PARP10: variants seen among roughly 807,000 people sequenced by gnomAD.
PARP10 encodes the protein protein mono-ADP-ribosyltransferase PARP10.
In PARP10, 56 loss-of-function variants were observed where a neutral mutation model predicts 82.4. The ratio of observed to expected loss-of-function variants is 0.68; its 90% CI spans 0.55 to 0.85. The LOEUF is 0.85. PARP10 is among the 40% of genes least tolerant of loss of function. The pLI, the probability that PARP10 is intolerant of heterozygous loss-of-function variation, is 0.00. For synonymous variants in PARP10, 576 were observed against 601.1 expected (o/e 0.96, Z 0.61); for missense variants, 1,227 against 1,379.4 (o/e 0.89, Z 1.75).
At chr8:144,004,279 CATGGTGTCCCCCTTAAGTCTTA>C (rs1190345870) in intron 1 of PARP10, among the ~76,000 whole-genome samples, 1 of 152,124 alleles carries the variant, frequency 6.6e-6, no homozygotes, top group Admixed American at 6.5e-5. Flanking sequence ...AAGAAATCTG[CATGGTGTCCCCCTTAAGTCTTA>C]AGAGACAGAA....
At chr8:143,989,031 T>A (rs1834046368), upstream of PARP10, 1 of 152,192 alleles carries the variant, frequency 6.6e-6, no homozygotes, top group Admixed American at 6.5e-5. The surrounding 1 kb of genome is among the most constrained non-coding windows in gnomAD (Gnocchi z 4.3). Context: ...CCAGCCCCGG[T>A]GGAGTATTCA....
In PARP10 at chr8:143,986,435, C is replaced by G. The variant is rs541366127; in HGVS notation, c.-76G>C. On this transcript the variant is annotated 5_prime_UTR_variant, in exon 1 of 11. Transcript: ENST00000313028. Reference sequence around the variant, plus strand: ...GTGCCTGCCCCTCAGCAAGCCTAACCCTGCTGGGAGCAGGAAAACAAAAGT... The same window carrying G: ...GTGCCTGCCCCTCAGCAAGCCTAACGCTGCTGGGAGCAGGAAAACAAAAGT... 1.2e-6 allele frequency: 2 copies of G among 1,611,690 alleles called. No individual in the cohort carries two copies. Among genetic ancestry groups the G allele is most frequent in the East Asian group, 4.5e-5 (2 of 44,866 alleles).
Position 143,977,893 on chromosome 8 carries a change from G to A in PARP10, c.2731+14C>T, listed in dbSNP as rs377690585. 1.6e-4 allele frequency: 264 copies of A among 1,601,138 alleles called. 2 individuals are homozygous for A. The African/African-American group carries it at 3.0e-3, about 18-fold the overall frequency. ...GTGCGCAGAGCCCCCGCCCCTGCCCGGCTCAGGCCTCACCGTTGCGGCCGC... is the reference window on the plus strand; with the variant it reads ...GTGCGCAGAGCCCCCGCCCCTGCCCAGCTCAGGCCTCACCGTTGCGGCCGC... On this transcript the variant is annotated intron_variant, in intron 10 of 10. Transcript: ENST00000313028.
chr8:143,998,993 C>CTCCTTCCTTCCTTCCTTCCT (rs34794348), intron 1 of PARP10, among the ~76,000 whole-genome samples: 25 of 146,564 alleles, frequency 1.7e-4, no homozygotes, highest in African/African-American at 5.6e-4. Context: ...TTAATTCTTT[C>CTCCTTCCTTCCTTCCTTCCT]TCCTTCCTTC....
chr8:143,982,931 C>T lies in PARP10; in HGVS notation c.2556+1G>A, dbSNP rs1026044268. On this transcript the variant is annotated splice_donor_variant, in intron 9 of 10. Coordinates refer to ENST00000313028, the MANE Select transcript of PARP10 (RefSeq NM_032789.5). LOFTEE classifies it high-confidence loss of function. The stretch of plus-strand genomic sequence containing the variant: ...GCCAGAGAGACAGGGCATGGACTCA[C>T]ACGAACGACGCGGATGCTGCTGCGG... 2.5e-6 allele frequency: 4 copies of T among 1,613,464 alleles called. No individual in the cohort carries two copies. Among genetic ancestry groups the T allele is most frequent in the Non-Finnish European group, 3.4e-6 (4 of 1,179,944 alleles).
In PARP10 at chr8:144,000,918, T is replaced by G. The variant is rs1470165337; in HGVS notation, c.-80+11612A>C. 2.3e-4 allele frequency among the ~76,000 whole-genome samples: 33 copies of G among 145,240 alleles called. 1 individual carries two copies. Among genetic ancestry groups the G allele is most frequent in the African/African-American group, 8.4e-4 (33 of 39,354 alleles). On this transcript the variant is annotated intron_variant, in intron 1 of 3. Coordinates refer to the PARP10 transcript ENST00000530478. ...ATTCTTTGTGTGTGTGTTTTTTTTT[T>G]TTTTTTTTTTTTTGAGACGGAGTCT... is the stretch of plus-strand genomic sequence containing the variant.
rs782663997 is a variant in PARP10 at position 143,984,108 on chromosome 8, T to C, written c.1681-4A>G. 4 of 1,557,416 alleles carry C rather than the reference T, an allele frequency of 2.6e-6. No homozygotes were observed. Among genetic ancestry groups the C allele is most frequent in the Non-Finnish European group, 3.5e-6 (4 of 1,150,644 alleles). The stretch of plus-strand genomic sequence containing the variant: ...GGAGGGCCTCGGTAGGGTCCACCTG[T>C]AGGGAGAGGATGTCAGGACCACTAG... On this transcript the variant is annotated splice_polypyrimidine_tract_variant and splice_region_variant and intron_variant, in intron 6 of 10. Coordinates refer to ENST00000313028, the MANE Select transcript of PARP10 (RefSeq NM_032789.5).
At chr8:143,987,859 C>A (rs1834018902), upstream of PARP10, among the ~76,000 whole-genome samples, 1 of 151,888 alleles carries the variant, frequency 6.6e-6, no homozygotes, top group African/African-American at 2.4e-5. Context: ...CCACTGCACT[C>A]CAACCAAGGT....
chr8:143,986,948 C>T, upstream of PARP10: 1 of 160,014 alleles, frequency 6.2e-6, no homozygotes, highest in Non-Finnish European at 1.4e-5. Context: ...GTTCCCCACC[C>T]TTGGTCTCCA....
chr8:143,992,875 C>T (rs1554750835), upstream of PARP10: 1 of 1,601,190 alleles, frequency 6.2e-7, no homozygotes, highest in Admixed American at 1.7e-5. Context: ...GCTCAGGTGG[C>T]ACGGCTGGCC....
upstream of PARP10, chr8:143,991,006 C>T: frequency 2.5e-6 from 1 of 404,992 alleles, no homozygotes; most frequent in South Asian, 4.8e-5. Context: ...TGGGAAGGCC[C>T]CACGGCGCCG....
upstream of PARP10, among the ~76,000 whole-genome samples, chr8:143,995,823 A>G (rs561034078): frequency 5.3e-5 from 8 of 152,232 alleles, no homozygotes; most frequent in South Asian, 1.5e-3. Flanking sequence ...CTCTGTTATC[A>G]CTCTGAACAC....
rs1554749395 is a variant in PARP10 at position 143,986,350 on chromosome 8, GC to G, written c.2+7del. The G allele has an allele frequency of 6.2e-7, 1 of 1,614,152 alleles. No individual in the cohort carries two copies. Among genetic ancestry groups the G allele is most frequent in the South Asian group, 1.1e-5 (1 of 91,086 alleles). On this transcript the variant is annotated splice_region_variant and intron_variant, in intron 1 of 10. Transcript: ENST00000313028. Reference sequence around the variant, plus strand: ...CCCATTATGGGTGGCCCCACATACAGCACTTACATTCCCCGTGGCCGCTAGG... The same window carrying G: ...CCCATTATGGGTGGCCCCACATACAGACTTACATTCCCCGTGGCCGCTAGG...
chr8:143,994,249 G>A (rs541842696), upstream of PARP10, among the ~76,000 whole-genome samples: 17 of 152,338 alleles, frequency 1.1e-4, no homozygotes, highest in East Asian at 1.2e-3. Context: ...CGCGGGCACC[G>A]CAGTTGTGGG....
chr8:143,982,678 T>C lies in PARP10; in HGVS notation c.2556+254A>G, dbSNP rs528501203. ...CTGGAGCTGGTCCCATAGTCCCTGCTGACCCAGCCACGAGTGGCAGAGTGG... is the reference window on the plus strand; with the variant it reads ...CTGGAGCTGGTCCCATAGTCCCTGCCGACCCAGCCACGAGTGGCAGAGTGG... On this transcript the variant is annotated intron_variant, in intron 9 of 10. Coordinates refer to ENST00000313028, the MANE Select transcript of PARP10 (RefSeq NM_032789.5). Among the ~76,000 whole-genome samples, 9 of 152,334 alleles carry C rather than the reference T, an allele frequency of 5.9e-5. No homozygotes were observed. In the East Asian group the frequency reaches 1.7e-3, roughly 29 times the overall value.
At chr8:143,994,058 C>G (rs1363667399), upstream of PARP10, among the ~76,000 whole-genome samples, 1 of 152,204 alleles carries the variant, frequency 6.6e-6, no homozygotes, top group Non-Finnish European at 1.5e-5. Context: ...CTGGTCTGAG[C>G]CCTGCTGAGC....
chr8:144,008,999 C>T lies in PARP10; in HGVS notation c.-80+3531G>A, dbSNP rs1834253801. ...GGGACCCTGGGGGTCTTTTGAGGGC[C>T]TCTACTGTGCACTGTGAGTCTAAGG... On this transcript the variant is annotated intron_variant, in intron 1 of 3. Transcript: ENST00000530478. The surrounding 1 kb of genome is among the most constrained non-coding windows in gnomAD (Gnocchi z 4.0). 6.6e-6 allele frequency among the ~76,000 whole-genome samples: 1 copy of T among 152,138 alleles called. No individual in the cohort carries two copies. The highest frequency in any genetic ancestry group is 1.5e-5 in the Non-Finnish European group (1 of 68,032).
At position 144,011,516 on chromosome 8, in the gene PARP10, C is replaced by CA. The variant is rs1834282955; in HGVS notation, c.-80+1013dup. Among the ~76,000 whole-genome samples, 1 of 152,036 alleles carries CA rather than the reference C, an allele frequency of 6.6e-6. No individual in the cohort carries two copies. The highest frequency in any genetic ancestry group is 2.4e-5 in the African/African-American group (1 of 41,374). ...GGACTTCGCTATCCTCTCCCTGCCC[C>CA]AAAAAGAGGTTTGAGGGAGAACAGC... On this transcript the variant is annotated intron_variant, in intron 1 of 3. Transcript: ENST00000530478. The surrounding 1 kb of genome is among the most constrained non-coding windows in gnomAD (Gnocchi z 4.5).
At position 143,977,510 on chromosome 8, in the gene PARP10, G is replaced by C. The variant is rs1833718579; in HGVS notation, c.3052C>G (p.Leu1018Val). 6.4e-7 allele frequency: 1 copy of C among 1,555,860 alleles called. No homozygotes were observed. Among genetic ancestry groups the C allele is most frequent in the African/African-American group, 1.4e-5 (1 of 73,586 alleles). ...PRASPDDPSG[L>V]PGRSPDT ...TAAGTGTCTGGGGAGCGGCCCGGGA[G>C]CCCAGAGGGGTCGTCGGGGGAAGCG... is the stretch of plus-strand genomic sequence containing the variant. The change falls in exon 11 of 11, where the codon CTC becomes GTC. Residue 1018 changes from leucine to valine, a missense_variant. Leu to Val is a conservative substitution (Grantham distance 32, BLOSUM62 1). Coordinates refer to ENST00000313028, the MANE Select transcript of PARP10 (RefSeq NM_032789.5).
Sources: gnomAD v4.1 joint callset for allele counts (sites outside exome capture counted in the v4.1 genomes callset) on GRCh38, gnomAD v4.1.1 for gene constraint, Gnocchi (gnomAD v3.1) non-coding constraint, MANE v1.5 for transcripts, NCBI Gene and HGNC (gene_info 2026-07-23, HGNC 2026-07-21) for gene names.